PLD5: variants seen among roughly 807,000 people sequenced by gnomAD.
PLD5 encodes the protein inactive phospholipase D5.
A neutral mutation model predicts 61.1 loss-of-function variants in PLD5; 36 were observed. The ratio of observed to expected loss-of-function variants is 0.59; its 90% CI spans 0.45 to 0.78. The LOEUF (loss-of-function observed/expected upper bound fraction) is 0.78. Among genes scored for constraint, PLD5 ranks in the 30% least tolerant of loss-of-function variants. The probability of loss-of-function intolerance (pLI) is 0.00; values close to 1 mark genes in which losing one functional copy is unlikely to be tolerated. For missense variants in PLD5, 515 were observed against 644.4 expected (o/e 0.80, Z 2.17); for synonymous variants, 243 against 242.8 (o/e 1.00, Z -0.01).
At chr1:242,314,277 C>A (rs1457392444) in intron 2 of PLD5, among the ~76,000 whole-genome samples, 8 of 152,162 alleles carry the variant, frequency 5.3e-5, no homozygotes. Flanking sequence ...GAGATACAAG[C>A]CAGATGGCTT....
At chr1:242,348,922 C>T (rs1349601033) in intron 1 of PLD5, among the ~76,000 whole-genome samples, 51 of 152,202 alleles carry the variant, frequency 3.4e-4, no homozygotes, top group Admixed American at 2.2e-3. Flanking sequence ...GGCGTGGTGG[C>T]AGGCGCCTGT....
chr1:242,217,544 A>G (rs2149000538), intron 5 of PLD5, among the ~76,000 whole-genome samples: 1 of 151,494 alleles, frequency 6.6e-6, no homozygotes, highest in South Asian at 2.1e-4. Flanking sequence ...GAATCACTTG[A>G]ACCTGGGAGG....
chr1:242,289,563 G>A (rs943630937), intron 2 of PLD5, among the ~76,000 whole-genome samples: 12 of 152,032 alleles, frequency 7.9e-5, no homozygotes, highest in African/African-American at 2.7e-4. Context: ...ATGTTGGACA[G>A]GCTGGTCTCG....
intron 3 of PLD5, among the ~76,000 whole-genome samples, chr1:242,275,143 T>C (rs1322808130): frequency 1.3e-5 from 2 of 152,258 alleles, no homozygotes; most frequent in East Asian, 3.9e-4. Context: ...AAACATTTGA[T>C]GCTATAGTCT....
intron 2 of PLD5, among the ~76,000 whole-genome samples, chr1:242,310,028 C>T (rs970520253): frequency 1.1e-4 from 15 of 142,526 alleles, no homozygotes; most frequent in African/African-American, 3.8e-4. Flanking sequence ...CCAAAGCTTA[C>T]TTGGTTGCAG....
chr1:242,472,981 T>C (rs924264208), intron 1 of PLD5, among the ~76,000 whole-genome samples: 1 of 151,912 alleles, frequency 6.6e-6, no homozygotes, highest in Non-Finnish European at 1.5e-5. Context: ...CCAAATACCT[T>C]GAGATTTCAA....
intron 4 of PLD5, among the ~76,000 whole-genome samples, chr1:242,247,272 G>A (rs571966872): frequency 6.6e-5 from 10 of 152,294 alleles, no homozygotes; most frequent in Admixed American, 2.6e-4. Flanking sequence ...GTGAGCCACC[G>A]CGCCCGGCCT....
At chr1:242,157,996 A>T (rs186244923) in intron 5 of PLD5, among the ~76,000 whole-genome samples, 1 of 149,084 alleles carries the variant, frequency 6.7e-6, no homozygotes, top group Non-Finnish European at 1.5e-5. Flanking sequence ...TTTTTTTCAG[A>T]GATGCCCTTC....
At chr1:242,100,586 C>G in intron 9 of PLD5, 82 bp downstream of exon 9, 1 of 1,023,296 alleles carries the variant, frequency 9.8e-7, no homozygotes, top group East Asian at 2.4e-5. Flanking sequence ...TGCTTCCTCA[C>G]CAGGGGATAC....
At chr1:242,292,566 TA>T (rs1407889606) in intron 2 of PLD5, among the ~76,000 whole-genome samples, 1 of 152,216 alleles carries the variant, frequency 6.6e-6, no homozygotes, top group East Asian at 1.9e-4. Context: ...CAGGTGTTCT[TA>T]AACTTGGATC....
At chr1:242,230,480 A>G (rs59830876) in intron 4 of PLD5, among the ~76,000 whole-genome samples, 30,860 of 152,092 alleles carry the variant, frequency 0.2, 3,589 homozygotes, top group East Asian at 0.38. Context: ...GAAAATATTA[A>G]TTTGTGTGAA....
intron 1 of PLD5, among the ~76,000 whole-genome samples, chr1:242,349,942 G>T (rs1015626856): frequency 8.5e-5 from 13 of 152,148 alleles, no homozygotes; most frequent in Admixed American, 2.0e-4. Flanking sequence ...GGAGGCTGGG[G>T]TTGGAAGACT....
At chr1:242,215,533 A>C (rs1472224073) in intron 5 of PLD5, among the ~76,000 whole-genome samples, 1 of 152,188 alleles carries the variant, frequency 6.6e-6, no homozygotes, top group African/African-American at 2.4e-5. Context: ...TAAAACCTGC[A>C]GTTTTATGGA....
intron 1 of PLD5, among the ~76,000 whole-genome samples, chr1:242,508,262 A>C (rs1393077003): frequency 6.6e-6 from 1 of 152,030 alleles, no homozygotes; most frequent in African/African-American, 2.4e-5. Context: ...AATCCCAGCT[A>C]CTTGAGAGGC....
intron 1 of PLD5, among the ~76,000 whole-genome samples, chr1:242,506,474 G>A (rs568731341): frequency 6.6e-6 from 1 of 152,258 alleles, no homozygotes; most frequent in Admixed American, 6.5e-5. Context: ...AAGGGTTAAG[G>A]ACTGCAGCGT....
chr1:242,456,588 C>G (rs894454204), intron 1 of PLD5, among the ~76,000 whole-genome samples: 1 of 152,108 alleles, frequency 6.6e-6, no homozygotes, highest in African/African-American at 2.4e-5. Flanking sequence ...GTGAGCTGTC[C>G]ATGATTGATA....
At chr1:242,530,381 T>A in the PLD5 span, among the ~76,000 whole-genome samples, 3 of 152,204 alleles carry the variant, frequency 2.0e-5, no homozygotes, top group Non-Finnish European at 2.9e-5. Context: ...CACAGAAAAT[T>A]AGAAAATGGC....
intron 1 of PLD5, among the ~76,000 whole-genome samples, chr1:242,420,500 T>C (rs146635960): frequency 3.3e-5 from 5 of 152,200 alleles, no homozygotes; most frequent in Non-Finnish European, 7.3e-5. Flanking sequence ...ATCATTATCT[T>C]AATAGTAGTT....
chr1:242,195,329 G>T (rs559730434), intron 5 of PLD5, among the ~76,000 whole-genome samples: 1 of 152,266 alleles, frequency 6.6e-6, no homozygotes, highest in East Asian at 1.9e-4. Flanking sequence ...GTCTCAGAGG[G>T]TAAAGAGAGC....
Sources: allele counts gnomAD v4.1 joint callset (sites outside exome capture counted in the v4.1 genomes callset), GRCh38; gene constraint gnomAD v4.1.1; transcripts MANE v1.5; gene names NCBI Gene and HGNC (gene_info 2026-07-23, HGNC 2026-07-21).